Variants in WDFY3 observed in about 807,000 individuals in gnomAD.
WDFY3 encodes WD repeat and FYVE domain-containing protein 3.
In WDFY3, 66 loss-of-function variants were observed where a neutral mutation model predicts 409.6. The observed-to-expected ratio is 0.16, with a 90% confidence interval of 0.13 to 0.20. The LOEUF (loss-of-function observed/expected upper bound fraction) is 0.20, where lower values mean the gene tolerates loss of function less well. Ranked by LOEUF, WDFY3 falls within the 10% of genes least tolerant of loss-of-function variation. The pLI, the probability that WDFY3 is intolerant of heterozygous loss-of-function variation, is 1.00. For synonymous variants in WDFY3, 1,521 were observed against 1,537.1 expected, an observed-to-expected ratio of 0.99 and a Z score of 0.25; for missense variants, 3,031 against 4,298.1, an observed-to-expected ratio of 0.71 and a Z score of 8.24.
In WDFY3 at chr4:84,831,462, C is replaced by T. The variant is rs1244950699; in HGVS notation, c.720G>A (p.Met240Ile). The T allele has an allele frequency of 1.2e-6, 2 of 1,613,924 alleles. No individual in the cohort carries two copies. Among genetic ancestry groups the T allele is most frequent in the Non-Finnish European group, 1.7e-6 (2 of 1,179,964 alleles). The change falls in exon 8 of 68, where the codon ATG becomes ATA. Residue 240 changes from methionine (M) to isoleucine (I), a missense_variant. Around this residue, in one of 16 missense-constraint regions of WDFY3, gnomAD observed 1,322 missense variants for 1,697.9 expected, o/e 0.78. Transcript: ENST00000295888. ...CACTAAGACCATGACGAGATATGGT[C>T]ATGAGGACTTCTCCAGCACTCTTTC... The part of the protein sequence containing the change: ...PWRKSAGEVL[M>I]TISRHGLSVN...
At chr4:84,908,922 T>C (rs1474732450) in intron 2 of WDFY3, among the ~76,000 whole-genome samples, 2 of 152,124 alleles carry the variant, frequency 1.3e-5, no homozygotes, top group East Asian at 1.9e-4. Flanking sequence ...CATCTATTCC[T>C]AGCACTAAGC....
rs571105945 is a variant in WDFY3 at position 84,767,622 on chromosome 4, A to AT, written c.4850-1251dup. Among the ~76,000 whole-genome samples the AT allele has an allele frequency of 6.1e-3, 919 of 149,622 alleles. 6 individuals are homozygous for AT. Among genetic ancestry groups the AT allele is most frequent in the South Asian group, 0.014 (67 of 4,814 alleles). On this transcript the variant is annotated intron_variant, in intron 30 of 67. Transcript: ENST00000295888. ...GTGCTACTCCAGTGAACACGCAATG[A>AT]TAAAAAAAAAAAAAGAAAAGAAACA...
At chr4:84,961,495 A>T (rs929569248) in intron 1 of WDFY3, among the ~76,000 whole-genome samples, 1 of 152,150 alleles carries the variant, frequency 6.6e-6, no homozygotes, top group African/African-American at 2.4e-5. Flanking sequence ...CATTTTTTAA[A>T]TTGCTAACAG....
intron 3 of WDFY3, among the ~76,000 whole-genome samples, chr4:84,876,363 A>G (rs922405815): frequency 2.0e-5 from 3 of 152,222 alleles, no homozygotes; most frequent in Non-Finnish European, 4.4e-5. Context: ...AATTAATTGT[A>G]TTACTAACTA....
chr4:84,698,303 G>C (rs998286136), intron 56 of WDFY3, among the ~76,000 whole-genome samples: 4 of 137,080 alleles, frequency 2.9e-5, no homozygotes, highest in Non-Finnish European at 6.3e-5. Flanking sequence ...TTTTTTTTTT[G>C]AGACAGGGTC....
intron 2 of WDFY3, among the ~76,000 whole-genome samples, chr4:84,908,132 A>G (rs912633564): frequency 2.0e-5 from 3 of 152,210 alleles, no homozygotes; most frequent in African/African-American, 7.2e-5. Flanking sequence ...ATTTCAATAA[A>G]GTAGGGTAAG....
chr4:84,875,263 A>AACACACAC (rs58589086), intron 3 of WDFY3, among the ~76,000 whole-genome samples: 1,442 of 137,544 alleles, frequency 0.01, 32 homozygotes, highest in African/African-American at 0.034. Context: ...GCAAGACTCA[A>AACACACAC]ACACACACAC....
intron 32 of WDFY3, 36 bp from the exon 33 acceptor site, chr4:84,757,197 C>G: frequency 6.3e-7 from 1 of 1,578,596 alleles, no homozygotes; most frequent in African/African-American, 1.3e-5. Context: ...AGTGCAAAAT[C>G]AGCAACTGAT....
At chr4:84,680,349 G>A (rs879798968) in intron 64 of WDFY3, among the ~76,000 whole-genome samples, 1 of 152,112 alleles carries the variant, frequency 6.6e-6, no homozygotes, top group Non-Finnish European at 1.5e-5. Context: ...GAGTGTAGTG[G>A]AGCGATCATA....
chr4:84,694,108 T>C (rs1297121869), intron 58 of WDFY3, among the ~76,000 whole-genome samples: 3 of 152,140 alleles, frequency 2.0e-5, no homozygotes, highest in African/African-American at 7.2e-5. Context: ...CAGAAAAAAT[T>C]CTTTGTGCAG....
At chr4:84,915,190 A>G (rs1234967847) in intron 2 of WDFY3, among the ~76,000 whole-genome samples, 1 of 152,202 alleles carries the variant, frequency 6.6e-6, no homozygotes, top group Admixed American at 6.5e-5. Flanking sequence ...AATGGGAATT[A>G]TTACCTAATG....
rs953415346 is a variant in WDFY3, at chr4:84,709,459, G to C, written c.8043-112C>G. The C allele has an allele frequency of 2.5e-5, 20 of 815,042 alleles. No homozygotes were observed. In the African/African-American group the frequency reaches 3.1e-4, roughly 13 times the overall value. 50.5% of individuals were successfully genotyped at this position (815,042 alleles called of 1,614,324 possible). A position where few individuals can be genotyped will look rare whatever the true frequency, so the allele number is the denominator to read the frequency against. ...GTCCAGGAATTTTTCAAACTATGGA[G>C]GATCTATTAGTGGGTCATAAAATCA... On this transcript the variant is annotated intron_variant, in intron 51 of 67. Transcript: ENST00000295888.
rs890209219 is a variant in WDFY3 at position 84,718,399 on chromosome 4, T to C, written c.7754+23A>G. The C allele has an allele frequency of 1.5e-5, 24 of 1,605,552 alleles. 1 individual carries two copies. Among genetic ancestry groups the C allele is most frequent in the African/African-American group, 1.1e-4 (8 of 74,350 alleles). On this transcript the variant is annotated intron_variant, in intron 48 of 67. Coordinates refer to ENST00000295888, the MANE Select transcript of WDFY3 (RefSeq NM_014991.6). ...GTCTTCTAAAGATAGCCATACATTA[T>C]GTCTCTTCATTCATTTACTTACTTT...
At chr4:84,956,460 T>A (rs1472656850) in intron 1 of WDFY3, among the ~76,000 whole-genome samples, 3 of 152,190 alleles carry the variant, frequency 2.0e-5, no homozygotes, top group Non-Finnish European at 4.4e-5. Flanking sequence ...ACAAGTGTCT[T>A]TTAATTTCTG....
intron 1 of WDFY3, among the ~76,000 whole-genome samples, chr4:84,938,118 A>G (rs909987521): frequency 1.3e-5 from 2 of 152,114 alleles, no homozygotes; most frequent in African/African-American, 2.4e-5. Flanking sequence ...TGTAAAATCT[A>G]TGAGGGCAAT....
chr4:84,880,992 G>C lies in WDFY3; in HGVS notation c.-32+15919C>G, dbSNP rs1013383990. ...CCCTCCTCGGCCTCCCAGATTGCTGGGATTACAGGTACGACCCACTGTGCC... is the reference window on the plus strand; with the variant it reads ...CCCTCCTCGGCCTCCCAGATTGCTGCGATTACAGGTACGACCCACTGTGCC... On this transcript the variant is annotated intron_variant, in intron 3 of 67. Transcript: ENST00000295888. 2.0e-5 allele frequency among the ~76,000 whole-genome samples: 3 copies of C among 151,716 alleles called. No individual in the cohort carries two copies. The South Asian group carries it at 6.3e-4, about 32-fold the overall frequency.
In WDFY3 at chr4:84,737,244, T is replaced by C; in HGVS notation, c.6697A>G (p.Ile2233Val). The change falls in exon 41 of 68, where the codon ATA becomes GTA. Residue 2233 changes from isoleucine to valine, a missense_variant. Around this residue, in one of 16 missense-constraint regions of WDFY3, gnomAD observed 314 missense variants for 397.4 expected, o/e 0.79. Coordinates refer to ENST00000295888, the MANE Select transcript of WDFY3 (RefSeq NM_014991.6). ...LPVNERGHVD[I>V]ATARPLIEEA... is the part of the protein sequence containing the mutation. ...TCAATGAGTGGCCTTGCTGTAGCTA[T>C]GTCCACGTGGCCCCTTTCATTCACA... 6.2e-7 allele frequency: 1 copy of C among 1,614,222 alleles called. No homozygotes were observed. The highest frequency in any genetic ancestry group is 8.5e-7 in the Non-Finnish European group (1 of 1,180,040).
intron 38 of WDFY3, among the ~76,000 whole-genome samples, chr4:84,740,635 A>G (rs1738247447): frequency 6.6e-6 from 1 of 152,200 alleles, no homozygotes; most frequent in Non-Finnish European, 1.5e-5. Context: ...TACATAAAAA[A>G]AAAGAGCTCC....
intron 2 of WDFY3, among the ~76,000 whole-genome samples, chr4:84,923,389 C>G (rs536740826): frequency 6.6e-5 from 10 of 152,348 alleles, no homozygotes; most frequent in Admixed American, 2.0e-4. Flanking sequence ...CAAGCCCCCC[C>G]ACCTTATTAC....
Sources: allele counts gnomAD v4.1 joint callset (sites outside exome capture counted in the v4.1 genomes callset), GRCh38; gene constraint gnomAD v4.1.1; regional missense constraint gnomAD v4.1.1; transcripts MANE v1.5; gene names NCBI Gene and HGNC (gene_info 2026-07-23, HGNC 2026-07-21).